The following ZFP91 variants were observed in gnomAD, a reference collection of about 807,000 sequenced individuals.
The protein encoded by ZFP91 is E3 ubiquitin-protein ligase ZFP91.
A neutral mutation model predicts 63.5 loss-of-function variants in ZFP91; 7 were observed. The observed-to-expected ratio is 0.11, with a 90% confidence interval of 0.06 to 0.21. ZFP91 has a LOEUF of 0.21. Ranked by LOEUF, ZFP91 falls within the 10% of genes least tolerant of loss-of-function variation. The pLI, the probability that ZFP91 is intolerant of heterozygous loss-of-function variation, is 1.00. For synonymous variants in ZFP91, 330 were observed against 272.1 expected, an observed-to-expected ratio of 1.21 and a Z score of -2.10; for missense variants, 628 against 736.6, an observed-to-expected ratio of 0.85 and a Z score of 1.71.
Position 58,579,290 on chromosome 11 carries a change from G to T in ZFP91, c.9G>T (p.Gly3=). 1 of 1,459,250 alleles carries T rather than the reference G, an allele frequency of 6.9e-7. No individual in the cohort carries two copies. The highest frequency in any genetic ancestry group is 9.0e-7 in the Non-Finnish European group (1 of 1,113,228). The allele number at this position is 1,459,250 out of a possible 1,614,324, so 90.4% of individuals were successfully genotyped here. ...GGGACGGACAAGCCCCGATGCCGGG[G>T]GAGACGGAAGAGCCGAGACCCCCGG... MP[G]ETEEPRPPEQ... is the part of the protein sequence containing the mutation. Residue 3 remains glycine, a synonymous_variant, in exon 1 of 11, where the codon GGG becomes GGT. Coordinates refer to ENST00000316059, the MANE Select transcript of ZFP91 (RefSeq NM_053023.5).
Position 58,620,765 on chromosome 11 carries a change from A to G in ZFP91, c.*3059A>G, listed in dbSNP as rs1358121315. The G allele has an allele frequency of 6.6e-6, 1 of 152,574 alleles. No individual in the cohort carries two copies. Among genetic ancestry groups the G allele is most frequent in the African/African-American group, 2.4e-5 (1 of 41,422 alleles). The allele number at this position is 152,574 out of a possible 1,614,324, so 9.5% of individuals were successfully genotyped here. On this transcript the variant is annotated 3_prime_UTR_variant, in exon 11 of 11. Coordinates refer to ENST00000316059, the MANE Select transcript of ZFP91 (RefSeq NM_053023.5). ...TTTTTTCTCCTTTTGTGTTTTTCCC[A>G]CTTTCCAATGTACTCAAGAAAATTG... is the stretch of plus-strand genomic sequence containing the variant.
chr11:58,588,140 C>G lies in ZFP91; in HGVS notation c.370+3256C>G, dbSNP rs79121796. ...ACAGAAAACATACTTGGAAATACTG[C>G]ATGCTTGAAAATTTGATTGTATAAA... is the stretch of plus-strand genomic sequence containing the variant. On this transcript the variant is annotated intron_variant, in intron 2 of 10. Transcript: ENST00000316059. Among the ~76,000 whole-genome samples the G allele has an allele frequency of 1.8e-3, 276 of 152,214 alleles. 3 individuals are homozygous for G. The highest frequency in any genetic ancestry group is 5.4e-3 in the South Asian group (26 of 4,816).
At chr11:58,601,454 A>G (rs1349608010) in intron 2 of ZFP91, among the ~76,000 whole-genome samples, 6 of 152,062 alleles carry the variant, frequency 3.9e-5, no homozygotes, top group African/African-American at 7.2e-5. Context: ...GGTTTTAGTA[A>G]TTTGGGTCTT....
chr11:58,612,170 T>C, intron 6 of ZFP91, 108 bp from the exon 7 acceptor site: 1 of 1,138,826 alleles, frequency 8.8e-7, no homozygotes, highest in Non-Finnish European at 1.3e-6. Flanking sequence ...TTGGTTATCC[T>C]TTGCCACTTG....
intron 2 of ZFP91, among the ~76,000 whole-genome samples, chr11:58,608,820 G>A (rs1221340595): frequency 6.6e-6 from 1 of 152,140 alleles, no homozygotes; most frequent in African/African-American, 2.4e-5. Flanking sequence ...GGCCAGGCTG[G>A]TCACAAACGC....
intron 2 of ZFP91, among the ~76,000 whole-genome samples, chr11:58,591,385 CAGTTATT>C (rs1855303184): frequency 1.3e-5 from 2 of 152,092 alleles, no homozygotes; most frequent in South Asian, 4.1e-4. Context: ...GGGCAGTTTT[CAGTTATT>C]AGTCTTTATG....
intron 1 of ZFP91, among the ~76,000 whole-genome samples, chr11:58,584,108 T>G (rs1012157626): frequency 6.6e-6 from 1 of 152,084 alleles, no homozygotes; most frequent in Non-Finnish European, 1.5e-5. Flanking sequence ...TTTGTTGTTT[T>G]GGGGGTTTTT....
chr11:58,595,430 AC>A (rs1333458099), intron 2 of ZFP91, among the ~76,000 whole-genome samples: 1 of 152,150 alleles, frequency 6.6e-6, no homozygotes, highest in Non-Finnish European at 1.5e-5. Flanking sequence ...TTTTATCATG[AC>A]CAAGTGGCTC....
At position 58,579,184 on chromosome 11, in the gene ZFP91, C is replaced by T; in HGVS notation, c.-98C>T. The T allele has an allele frequency of 9.7e-7, 1 of 1,033,642 alleles. No homozygotes were observed. The highest frequency in any genetic ancestry group is 5.2e-5 in the Admixed American group (1 of 19,146). 64.0% of individuals were successfully genotyped at this position (1,033,642 alleles called of 1,614,324 possible). On this transcript the variant is annotated 5_prime_UTR_variant, in exon 1 of 11. Coordinates refer to ENST00000316059, the MANE Select transcript of ZFP91 (RefSeq NM_053023.5). Reference sequence around the variant, plus strand: ...AGGAGCGCAGGGTGAGAGTGAGCCGCAGGCTTCGGGAGGCGAGGGGGCGGG... The same window carrying T: ...AGGAGCGCAGGGTGAGAGTGAGCCGTAGGCTTCGGGAGGCGAGGGGGCGGG...
At position 58,620,069 on chromosome 11, in the gene ZFP91, C is replaced by T. The variant is rs1021327189; in HGVS notation, c.*2363C>T. 6 of 152,056 alleles carry T rather than the reference C, an allele frequency of 3.9e-5. No homozygotes were observed. Among genetic ancestry groups the T allele is most frequent in the Non-Finnish European group, 7.4e-5 (5 of 67,992 alleles). The allele number at this position is 152,056 out of a possible 1,614,324, so 9.4% of individuals were successfully genotyped here. ...ATTCTCCTTTCCTATACCGCTCTCC[C>T]AACAAAAAAACAACTAGTTAGTTCT... On this transcript the variant is annotated 3_prime_UTR_variant, in exon 11 of 11. Transcript: ENST00000316059.
At chr11:58,580,440 C>G (rs948665562) in intron 1 of ZFP91, among the ~76,000 whole-genome samples, 1 of 152,184 alleles carries the variant, frequency 6.6e-6, no homozygotes, top group Non-Finnish European at 1.5e-5. Context: ...TACTGAAGCA[C>G]ACAAGTTTGT....
intron 6 of ZFP91, 147 bp from the exon 7 acceptor site, chr11:58,612,131 G>C (rs929566529): frequency 1.3e-6 from 1 of 770,822 alleles, no homozygotes; most frequent in Non-Finnish European, 2.1e-6. Context: ...TGCTTGATTT[G>C]CCAGATATAT....
chr11:58,608,139 G>T (rs1029947846), intron 2 of ZFP91, among the ~76,000 whole-genome samples: 3 of 151,554 alleles, frequency 2.0e-5, no homozygotes, highest in Non-Finnish European at 4.4e-5. Flanking sequence ...TAGTAGAAGA[G>T]TAGACAACTA....
Position 58,579,224 on chromosome 11 carries a change from G to GGCC in ZFP91, c.-51_-49dup. 2.2e-6 allele frequency: 3 copies of GGCC among 1,339,984 alleles called. No homozygotes were observed. Among genetic ancestry groups the GGCC allele is most frequent in the South Asian group, 1.7e-5 (1 of 58,188 alleles). The allele number at this position is 1,339,984 out of a possible 1,614,324, so 83.0% of individuals were successfully genotyped here. On this transcript the variant is annotated 5_prime_UTR_variant, in exon 1 of 11. Transcript: ENST00000316059. ...GAGGGGGCGGGGGGAGCAGCGCCGA[G>GGCC]GCCGCCGCCTCCGCCTCCGCCGCCT...
chr11:58,594,246 TTC>T (rs1324812803), intron 2 of ZFP91, among the ~76,000 whole-genome samples: 1 of 152,216 alleles, frequency 6.6e-6, no homozygotes, highest in African/African-American at 2.4e-5. Flanking sequence ...CATGTTTATC[TTC>T]TTTCTTTCAA....
intron 1 of ZFP91, 71 bp downstream of exon 1, chr11:58,579,693 G>A (rs1002512892): frequency 4.4e-6 from 6 of 1,371,968 alleles, no homozygotes; most frequent in Admixed American, 2.9e-5. Flanking sequence ...GGCTCCCGTA[G>A]CGCCTACTCC....
At chr11:58,600,205 G>GT (rs998614454) in intron 2 of ZFP91, among the ~76,000 whole-genome samples, 3 of 151,608 alleles carry the variant, frequency 2.0e-5, no homozygotes, top group African/African-American at 7.3e-5. Context: ...TTAGGATTGG[G>GT]TTGTCAATTT....
intron 10 of ZFP91, 146 bp downstream of exon 10, chr11:58,616,961 A>T (rs965061090): frequency 3.4e-6 from 3 of 889,632 alleles, no homozygotes; most frequent in Admixed American, 5.5e-5. Context: ...ATTAGTTAGT[A>T]GCCTTTTTCT....
rs1441609317 is a variant in ZFP91 at position 58,579,521 on chromosome 11, G to C, written c.240G>C (p.Arg80=). ...GGAAGGCCGAGTATCCCCGCCGGCG[G>C]AGGAGCAGCCCCAGCGCCAGGCCTC... ...RRRKAEYPRR[R]RSSPSARPPD... Residue 80 remains arginine, a synonymous_variant, in exon 1 of 11, where the codon CGG becomes CGC. Coordinates refer to ENST00000316059, the MANE Select transcript of ZFP91 (RefSeq NM_053023.5). 1.3e-6 allele frequency: 2 copies of C among 1,565,538 alleles called. No homozygotes were observed. The highest frequency in any genetic ancestry group is 1.4e-5 in the African/African-American group (1 of 70,742).
Sources: gnomAD v4.1 joint callset for allele counts (sites outside exome capture counted in the v4.1 genomes callset) on GRCh38, gnomAD v4.1.1 for gene constraint, MANE v1.5 for transcripts, NCBI Gene and HGNC (gene_info 2026-07-23, HGNC 2026-07-21) for gene names.